The following FIP1L1 variants were observed in gnomAD, a reference collection of about 807,000 sequenced individuals.
FIP1L1 encodes pre-mRNA 3'-end-processing factor FIP1.
A neutral mutation model predicts 84.6 loss-of-function variants in FIP1L1; 21 were observed. The ratio of observed to expected loss-of-function variants is 0.25; its 90% CI spans 0.18 to 0.36. FIP1L1 has a LOEUF of 0.36. FIP1L1 is among the 10% of genes least tolerant of loss of function. The pLI is 1.00. For synonymous variants in FIP1L1, 263 were observed against 242.3 expected (o/e 1.09, Z -0.80); for missense variants, 526 against 751.1 (o/e 0.70, Z 3.50).
At chr4:53,393,469 A>T (rs1327806497) in intron 9 of FIP1L1, among the ~76,000 whole-genome samples, 1 of 152,228 alleles carries the variant, frequency 6.6e-6, no homozygotes, top group Non-Finnish European at 1.5e-5. Context: ...GGTGCTTATC[A>T]TACAGCTTCA....
chr4:53,416,685 C>T (rs1183929152), intron 11 of FIP1L1, among the ~76,000 whole-genome samples: 1 of 152,128 alleles, frequency 6.6e-6, no homozygotes, highest in Non-Finnish European at 1.5e-5. Context: ...TTAAAATAGG[C>T]CAGGTGTGGT....
At chr4:53,390,958 A>G (rs1420242845) in intron 7 of FIP1L1, 51 bp from the exon 8 acceptor site, 4 of 1,458,340 alleles carry the variant, frequency 2.7e-6, no homozygotes, top group East Asian at 2.4e-5. Context: ...TTGATGCTGC[A>G]TAAAAATAGA....
intron 10 of FIP1L1, among the ~76,000 whole-genome samples, chr4:53,407,724 A>G (rs192940677): frequency 0.015 from 2,337 of 152,136 alleles, 25 homozygotes; most frequent in Middle Eastern, 0.061. Flanking sequence ...CTTCTTGTTG[A>G]ATTGATCCCT....
intron 9 of FIP1L1, among the ~76,000 whole-genome samples, chr4:53,396,991 T>A (rs1442986465): frequency 6.6e-6 from 1 of 152,380 alleles, no homozygotes; most frequent in African/African-American, 2.4e-5. Flanking sequence ...AAGGAAAATT[T>A]TGAACTCTGC....
chr4:53,390,892 GAT>G (rs1423090442), intron 7 of FIP1L1, 115 bp from the exon 8 acceptor site: 1 of 857,516 alleles, frequency 1.2e-6, no homozygotes, highest in Non-Finnish European at 1.7e-6. Context: ...CACCATAAAT[GAT>G]AGAGTGATAA....
intron 16 of FIP1L1, among the ~76,000 whole-genome samples, chr4:53,456,464 AGTT>A (rs1458851888): frequency 6.6e-6 from 1 of 152,136 alleles, no homozygotes; most frequent in Non-Finnish European, 1.5e-5. Context: ...AGGAATTTTG[AGTT>A]GTTCTGAATT....
chr4:53,399,862 A>G, intron 10 of FIP1L1, 23 bp downstream of exon 10: 1 of 1,431,576 alleles, frequency 7.0e-7, no homozygotes, highest in East Asian at 2.3e-5. Flanking sequence ...GTTATAACTC[A>G]ATTACTGTAC....
intron 13 of FIP1L1, among the ~76,000 whole-genome samples, chr4:53,432,073 TCC>T (rs1766935704): frequency 6.6e-6 from 1 of 152,052 alleles, no homozygotes; most frequent in Admixed American, 6.6e-5. Context: ...TTATCGTGGT[TCC>T]CTGCAGCCAT....
Position 53,434,685 on chromosome 4 carries a change from C to A in FIP1L1, c.1174+6502C>A, listed in dbSNP as rs2150114394. Among the ~76,000 whole-genome samples, 3 of 152,260 alleles carry A rather than the reference C, an allele frequency of 2.0e-5. No individual in the cohort carries two copies. The East Asian group carries it at 5.8e-4, about 29-fold the overall frequency. On this transcript the variant is annotated intron_variant, in intron 13 of 17. Coordinates refer to ENST00000337488, the MANE Select transcript of FIP1L1 (RefSeq NM_030917.4). ...GTTTCTCCATGTTGGTCAGGCTGGT[C>A]TTGAACTCCTGACCTCAAGTGATCC...
At chr4:53,392,584 A>G (rs2149398727) in intron 9 of FIP1L1, among the ~76,000 whole-genome samples, 1 of 152,310 alleles carries the variant, frequency 6.6e-6, no homozygotes, top group African/African-American at 2.4e-5. Context: ...CTTGACTGCA[A>G]TGGGTAGAAA....
At chr4:53,420,009 C>G (rs1470408914) in intron 11 of FIP1L1, among the ~76,000 whole-genome samples, 1 of 151,392 alleles carries the variant, frequency 6.6e-6, no homozygotes, top group Non-Finnish European at 1.5e-5. Flanking sequence ...GAGATCGAGA[C>G]CACGGTGCAA....
At chr4:53,381,750 A>ATTATTTTTTTTTTTTTTTTT (rs1233462083) in intron 3 of FIP1L1, among the ~76,000 whole-genome samples, 1 of 63,070 alleles carries the variant, frequency 1.6e-5, no homozygotes, top group Non-Finnish European at 3.0e-5. Flanking sequence ...AGGCATTTGC[A>ATTATTTTTTTTTTTTTTTTT]TTCTTTTTTT....
chr4:53,445,498 T>A (rs1320802174), intron 15 of FIP1L1, among the ~76,000 whole-genome samples: 1 of 152,218 alleles, frequency 6.6e-6, no homozygotes, highest in Non-Finnish European at 1.5e-5. Flanking sequence ...GAATGAGTAG[T>A]TCTCAAAGAG....
intron 15 of FIP1L1, among the ~76,000 whole-genome samples, chr4:53,451,970 G>A (rs1168392175): frequency 4.0e-5 from 6 of 150,470 alleles, no homozygotes; most frequent in East Asian, 3.9e-4. Flanking sequence ...TGCAAGCTCC[G>A]CCTCCCAGGT....
rs528145573 is a variant in FIP1L1, at chr4:53,391,443, C to T, written c.650C>T (p.Thr217Ile). Residue 217 changes from threonine (T) to isoleucine (I), a missense_variant, in exon 9 of 18, where the codon ACT becomes ATT. Around this residue, in one of 6 missense-constraint regions of FIP1L1, gnomAD observed 169 missense variants for 206.9 expected, o/e 0.82. Transcript: ENST00000337488. ...TTNKITAEDC[T>I]MEVTPGAEIQ... is the part of the protein sequence containing the mutation. ...TATTTAACTTAGGCCGAAGACTGTA[C>T]TATGGAAGTTACACCAGGTGCAGAG... 1.2e-5 allele frequency: 20 copies of T among 1,612,734 alleles called. No individual in the cohort carries two copies. In the African/African-American group the frequency reaches 2.7e-4, roughly 22 times the overall value.
intron 13 of FIP1L1, chr4:53,442,393 G>GT (rs1772325269): frequency 5.4e-6 from 2 of 368,546 alleles, no homozygotes; most frequent in Non-Finnish European, 9.9e-6. Flanking sequence ...AAAATGGGCT[G>GT]TGTGTGGTGC....
At chr4:53,444,903 A>G (rs1773540290) in intron 15 of FIP1L1, among the ~76,000 whole-genome samples, 1 of 152,162 alleles carries the variant, frequency 6.6e-6, no homozygotes, top group South Asian at 2.1e-4. Flanking sequence ...AGTAACCTGT[A>G]TAGAGTGCTT....
intron 13 of FIP1L1, among the ~76,000 whole-genome samples, chr4:53,440,084 TC>T (rs1347647837): frequency 6.6e-6 from 1 of 152,024 alleles, no homozygotes; most frequent in African/African-American, 2.4e-5. Flanking sequence ...TTTTCTCACT[TC>T]TGCCAACAAT....
chr4:53,383,755 T>G lies in FIP1L1; in HGVS notation c.229-18T>G, dbSNP rs1159963442. On this transcript the variant is annotated intron_variant, in intron 4 of 17. Transcript: ENST00000337488. The stretch of plus-strand genomic sequence containing the variant: ...TGGATTACTGAATGTATTTTATAAT[T>G]TGTTTATGTTCATGTAGAAAGTGAC... The G allele has an allele frequency of 1.9e-6, 3 of 1,585,434 alleles. No homozygotes were observed. Among genetic ancestry groups the G allele is most frequent in the Non-Finnish European group, 2.6e-6 (3 of 1,163,200 alleles).
Sources: gnomAD v4.1 joint callset for allele counts (sites outside exome capture counted in the v4.1 genomes callset) on GRCh38, gnomAD v4.1.1 for gene constraint, gnomAD v4.1.1 regional missense constraint, MANE v1.5 for transcripts, NCBI Gene and HGNC (gene_info 2026-07-23, HGNC 2026-07-21) for gene names.